The following H2AC14 variants were observed in gnomAD, a reference collection of about 807,000 sequenced individuals.
H2AC14 encodes the protein H2A clustered histone 14.
In H2AC14, 6 loss-of-function variants were observed where a neutral mutation model predicts 5.7. That is an observed-to-expected ratio of 1.05 (90% CI 0.57 to 2.07). The LOEUF (loss-of-function observed/expected upper bound fraction) is 2.07. Among genes scored for constraint, H2AC14 ranks in the 30% most tolerant of loss-of-function variants. H2AC14 has a pLI of 0.00. For synonymous variants in H2AC14, 121 were observed against 79.3 expected, an observed-to-expected ratio of 1.53 and a Z score of -2.80; for missense variants, 136 against 174.6, an observed-to-expected ratio of 0.78 and a Z score of 1.25.
chr6:27,814,762 A>G lies in H2AC14; in HGVS notation c.-22T>C, dbSNP rs752325819. On this transcript the variant is annotated 5_prime_UTR_variant, in exon 1 of 1. Transcript: ENST00000333151. Reference sequence around the variant, plus strand: ...ACATGGCAAAAGGTCTATTACCTTTACGGTCAAGAAAGACTGAAATGAAAT... The same window carrying G: ...ACATGGCAAAAGGTCTATTACCTTTGCGGTCAAGAAAGACTGAAATGAAAT... The G allele has an allele frequency of 9.8e-6, 15 of 1,528,294 alleles. No individual in the cohort carries two copies. Among genetic ancestry groups the G allele is most frequent in the East Asian group, 4.5e-5 (2 of 44,186 alleles). 94.7% of individuals were successfully genotyped at this position (1,528,294 alleles called of 1,614,324 possible).
chr6:27,814,710 C>G lies in H2AC14; in HGVS notation c.31G>C (p.Ala11Pro), dbSNP rs374667336. The change falls in exon 1 of 1, where the codon GCT becomes CCT. Residue 11 changes from alanine (A) to proline (P), a missense_variant. Coordinates refer to ENST00000333151, the MANE Select transcript of H2AC14 (RefSeq NM_021066.3). MSGRGKQGGKARAKAKTRSSR... is the reference protein window; with the variant it reads MSGRGKQGGKPRAKAKTRSSR... ...GAGCGGGTCTTGGCCTTGGCGCGAG[C>G]TTTGCCTCCCTGCTTACCACGCCCA... 4.5e-6 allele frequency: 7 copies of G among 1,564,148 alleles called. No individual in the cohort carries two copies. Among genetic ancestry groups the G allele is most frequent in the Middle Eastern group, 1.7e-4 (1 of 5,826 alleles).
rs776064316 is a variant in H2AC14, at chr6:27,814,349, G to A, written c.*5C>T. On this transcript the variant is annotated 3_prime_UTR_variant, in exon 1 of 1. Transcript: ENST00000333151. ...TTTGTTTTTATGCGCTTTTCAACTC[G>A]GTCTTTACTTAGTCTTGTGGTGGCT... is the stretch of plus-strand genomic sequence containing the variant. 1.1e-5 allele frequency: 18 copies of A among 1,610,922 alleles called. No individual in the cohort carries two copies. The highest frequency in any genetic ancestry group is 1.4e-5 in the Non-Finnish European group (17 of 1,178,576).
rs530041027 is a variant in H2AC14 at position 27,814,774 on chromosome 6, G to C, written c.-34C>G. 8 of 1,522,138 alleles carry C rather than the reference G, an allele frequency of 5.3e-6. No homozygotes were observed. In the South Asian group the frequency reaches 5.3e-5, roughly 10 times the overall value. The allele number at this position is 1,522,138 out of a possible 1,614,324, so 94.3% of individuals were successfully genotyped here. ...GTCTATTACCTTTACGGTCAAGAAAGACTGAAATGAAATTGGAAAAACGTA... is the reference window on the plus strand; with the variant it reads ...GTCTATTACCTTTACGGTCAAGAAACACTGAAATGAAATTGGAAAAACGTA... On this transcript the variant is annotated 5_prime_UTR_variant, in exon 1 of 1. Transcript: ENST00000333151.
In H2AC14 at chr6:27,814,699, C is replaced by T. The variant is rs1221398932; in HGVS notation, c.42G>A (p.Lys14=). 2 of 1,561,632 alleles carry T rather than the reference C, an allele frequency of 1.3e-6. No homozygotes were observed. The highest frequency in any genetic ancestry group is 1.7e-6 in the Non-Finnish European group (2 of 1,155,958). ...RGKQGGKARA[K]AKTRSSRAGL... ...CGGCCCGAGAAGAGCGGGTCTTGGC[C>T]TTGGCGCGAGCTTTGCCTCCCTGCT... The change falls in exon 1 of 1, where the codon AAG becomes AAA. Residue 14 remains lysine (K), a synonymous_variant. Transcript: ENST00000333151.
At position 27,814,520 on chromosome 6, in the gene H2AC14, T is replaced by C; in HGVS notation, c.221A>G (p.Asn74Ser). ...ACGCGGGATGATGCGAGTCTTCTTG[T>C]TGTCGCGGGCCGCGTTGCCAGCCAG... ...LELAGNAARD[N>S]KKTRIIPRHL... The change falls in exon 1 of 1, where the codon AAC (asparagine) becomes AGC (serine). Residue 74 changes from asparagine (N) to serine (S), a missense_variant. By Grantham distance (46) the Asn-to-Ser change is conservative. Coordinates refer to ENST00000333151, the MANE Select transcript of H2AC14 (RefSeq NM_021066.3). 4 of 1,610,050 alleles carry C rather than the reference T, an allele frequency of 2.5e-6. No homozygotes were observed. Among genetic ancestry groups the C allele is most frequent in the African/African-American group, 2.7e-5 (2 of 74,842 alleles).
In H2AC14 at chr6:27,814,313, T is replaced by C; in HGVS notation, c.*41A>G. On this transcript the variant is annotated 3_prime_UTR_variant, in exon 1 of 1. Transcript: ENST00000333151. ...CTTTTTATGATTGTTGAAGTGGCTC[T>C]GAAAAGAGCCTTTGTTTTTATGCGC... 5 of 1,598,446 alleles carry C rather than the reference T, an allele frequency of 3.1e-6. No individual in the cohort carries two copies. Among genetic ancestry groups the C allele is most frequent in the Non-Finnish European group, 4.3e-6 (5 of 1,172,188 alleles).
rs750757381 is a variant in H2AC14 at position 27,814,737 on chromosome 6, A to C, written c.4T>G (p.Ser2Ala). The C allele has an allele frequency of 1.3e-6, 2 of 1,559,160 alleles. No individual in the cohort carries two copies. The highest frequency in any genetic ancestry group is 1.2e-5 in the South Asian group (1 of 82,568). ...TTGCCTCCCTGCTTACCACGCCCAGACATGGCAAAAGGTCTATTACCTTTA... is the reference window on the plus strand; with the variant it reads ...TTGCCTCCCTGCTTACCACGCCCAGCCATGGCAAAAGGTCTATTACCTTTA... M[S>A]GRGKQGGKAR... is the part of the protein sequence containing the mutation. Residue 2 changes from serine (S) to alanine (A), a missense_variant, in exon 1 of 1, where the codon TCT (serine) becomes GCT (alanine). Ser to Ala is a moderately conservative substitution (Grantham distance 99). Around this residue, in one of 2 missense-constraint regions of H2AC14, gnomAD observed 36 missense variants for 22.3 expected, o/e 1.62. Transcript: ENST00000333151.
rs749658664 is a variant in H2AC14, at chr6:27,814,338, C to T, written c.*16G>A. ...TGAAAAGAGCCTTTGTTTTTATGCG[C>T]TTTTCAACTCGGTCTTTACTTAGTC... On this transcript the variant is annotated 3_prime_UTR_variant, in exon 1 of 1. Coordinates refer to ENST00000333151, the MANE Select transcript of H2AC14 (RefSeq NM_021066.3). 3.1e-6 allele frequency: 5 copies of T among 1,608,506 alleles called. No individual in the cohort carries two copies. Among genetic ancestry groups the T allele is most frequent in the South Asian group, 2.2e-5 (2 of 90,506 alleles).
At position 27,814,377 on chromosome 6, in the gene H2AC14, C is replaced by CAACT. The variant is rs762300071; in HGVS notation, c.363_364insAGTT (p.Glu122SerfsTer2). Reference sequence around the variant, plus strand: ...CTTTACTTAGTCTTGTGGTGGCTCTCAGTTTTCTTTGGCAGCAGCACGGCC... The same window carrying CAACT: ...CTTTACTTAGTCTTGTGGTGGCTCTCAACTAGTTTTCTTTGGCAGCAGCACGGCC... On this transcript the variant is annotated frameshift_variant, in exon 1 of 1. Coordinates refer to ENST00000333151, the MANE Select transcript of H2AC14 (RefSeq NM_021066.3). LOFTEE classifies it high-confidence loss of function. The CAACT allele has an allele frequency of 5.6e-6, 9 of 1,614,020 alleles. No homozygotes were observed. The African/African-American group carries it at 1.1e-4, about 19-fold the overall frequency.
rs146657069 is a variant in H2AC14, at chr6:27,814,726, A to G, written c.15T>C (p.Gly5=). Reference sequence around the variant, plus strand: ...TGGCGCGAGCTTTGCCTCCCTGCTTACCACGCCCAGACATGGCAAAAGGTC... The same window carrying G: ...TGGCGCGAGCTTTGCCTCCCTGCTTGCCACGCCCAGACATGGCAAAAGGTC... The part of the protein sequence containing the change: MSGR[G]KQGGKARAKA... Residue 5 remains glycine, a synonymous_variant, in exon 1 of 1, where the codon GGT becomes GGC. Transcript: ENST00000333151. 912 of 1,566,222 alleles carry G rather than the reference A, an allele frequency of 5.8e-4. No individual in the cohort carries two copies. Among genetic ancestry groups the G allele is most frequent in the East Asian group, 3.4e-3 (153 of 44,452 alleles).
chr6:27,814,325 T>C lies in H2AC14; in HGVS notation c.*29A>G, dbSNP rs1459255362. The C allele has an allele frequency of 2.5e-6, 4 of 1,604,716 alleles. No individual in the cohort carries two copies. In the South Asian group the frequency reaches 4.4e-5, roughly 18 times the overall value. ...GTTGAAGTGGCTCTGAAAAGAGCCTTTGTTTTTATGCGCTTTTCAACTCGG... is the reference window on the plus strand; with the variant it reads ...GTTGAAGTGGCTCTGAAAAGAGCCTCTGTTTTTATGCGCTTTTCAACTCGG... On this transcript the variant is annotated 3_prime_UTR_variant, in exon 1 of 1. Coordinates refer to ENST00000333151, the MANE Select transcript of H2AC14 (RefSeq NM_021066.3).
Position 27,814,344 on chromosome 6 carries a change from A to T in H2AC14, c.*10T>A, listed in dbSNP as rs771751755. On this transcript the variant is annotated 3_prime_UTR_variant, in exon 1 of 1. Transcript: ENST00000333151. The stretch of plus-strand genomic sequence containing the variant: ...GAGCCTTTGTTTTTATGCGCTTTTC[A>T]ACTCGGTCTTTACTTAGTCTTGTGG... The T allele has an allele frequency of 4.3e-6, 7 of 1,609,542 alleles. No homozygotes were observed. In the African/African-American group the frequency reaches 6.7e-5, roughly 15 times the overall value.
rs1438826607 is a variant in H2AC14 at position 27,814,767 on chromosome 6, C to T, written c.-27G>A. On this transcript the variant is annotated 5_prime_UTR_variant, in exon 1 of 1. Coordinates refer to ENST00000333151, the MANE Select transcript of H2AC14 (RefSeq NM_021066.3). ...GCAAAAGGTCTATTACCTTTACGGT[C>T]AAGAAAGACTGAAATGAAATTGGAA... 6 of 1,524,326 alleles carry T rather than the reference C, an allele frequency of 3.9e-6. No individual in the cohort carries two copies. Among genetic ancestry groups the T allele is most frequent in the Middle Eastern group, 1.8e-4 (1 of 5,626 alleles). 94.4% of individuals were successfully genotyped at this position (1,524,326 alleles called of 1,614,324 possible). A position where few individuals can be genotyped will look rare whatever the true frequency, so the allele number is the denominator to read the frequency against.
In H2AC14 at chr6:27,814,323, C is replaced by T. The variant is rs1760609492; in HGVS notation, c.*31G>A. ...TTGTTGAAGTGGCTCTGAAAAGAGC[C>T]TTTGTTTTTATGCGCTTTTCAACTC... is the stretch of plus-strand genomic sequence containing the variant. On this transcript the variant is annotated 3_prime_UTR_variant, in exon 1 of 1. Coordinates refer to ENST00000333151, the MANE Select transcript of H2AC14 (RefSeq NM_021066.3). 1 of 1,604,200 alleles carries T rather than the reference C, an allele frequency of 6.2e-7. No homozygotes were observed. The highest frequency in any genetic ancestry group is 8.5e-7 in the Non-Finnish European group (1 of 1,175,564).
Position 27,814,359 on chromosome 6 carries a change from T to TA in H2AC14, c.381dup (p.Lys128Ter), listed in dbSNP as rs752242859. ...TGCGCTTTTCAACTCGGTCTTTACT[T>TA]AGTCTTGTGGTGGCTCTCAGTTTTC... is the stretch of plus-strand genomic sequence containing the variant. On this transcript the variant is annotated frameshift_variant, in exon 1 of 1. Transcript: ENST00000333151. LOFTEE classifies it high-confidence loss of function. The TA allele has an allele frequency of 5.0e-6, 8 of 1,613,812 alleles. No individual in the cohort carries two copies. The highest frequency in any genetic ancestry group is 2.2e-5 in the East Asian group (1 of 44,876).
In H2AC14 at chr6:27,814,314, GAA is replaced by G. The variant is rs762262435; in HGVS notation, c.*38_*39del. ...TTTTTATGATTGTTGAAGTGGCTCT[GAA>G]AAGAGCCTTTGTTTTTATGCGCTTT... On this transcript the variant is annotated 3_prime_UTR_variant, in exon 1 of 1. Transcript: ENST00000333151. 3.6e-5 allele frequency: 58 copies of G among 1,600,826 alleles called. No homozygotes were observed. Among genetic ancestry groups the G allele is most frequent in the Non-Finnish European group, 4.8e-5 (56 of 1,173,236 alleles).
rs759449450 is a variant in H2AC14 at position 27,814,357 on chromosome 6, C to G, written c.384G>C (p.Lys128Asn). The G allele has an allele frequency of 1.2e-6, 2 of 1,613,630 alleles. No individual in the cohort carries two copies. The highest frequency in any genetic ancestry group is 2.2e-5 in the South Asian group (2 of 91,066). The change falls in exon 1 of 1, where the codon AAG becomes AAC. Residue 128 changes from lysine (K) to asparagine (N), a missense_variant. This residue lies in a region of H2AC14 where 100 missense variants were observed against 152.3 expected (regional missense o/e 0.66). Coordinates refer to ENST00000333151, the MANE Select transcript of H2AC14 (RefSeq NM_021066.3). Reference protein sequence around the residue: ...PKKTESHHKTK With the variant: ...PKKTESHHKTN ...TATGCGCTTTTCAACTCGGTCTTTACTTAGTCTTGTGGTGGCTCTCAGTTT... is the reference window on the plus strand; with the variant it reads ...TATGCGCTTTTCAACTCGGTCTTTAGTTAGTCTTGTGGTGGCTCTCAGTTT...
Position 27,814,580 on chromosome 6 carries a change from G to T in H2AC14, c.161C>A (p.Ala54Glu). ...VGAGAPVYLAAVLEYLTAEIL... is the reference protein window; with the variant it reads ...VGAGAPVYLAEVLEYLTAEIL... ...CTCGGCGGTCAGGTACTCCAGCACC[G>T]CCGCCAGGTACACCGGCGCTCCAGC... is the stretch of plus-strand genomic sequence containing the variant. The change falls in exon 1 of 1, where the codon GCG becomes GAG. Residue 54 changes from alanine (A) to glutamate (E), a missense_variant. Coordinates refer to ENST00000333151, the MANE Select transcript of H2AC14 (RefSeq NM_021066.3). The T allele has an allele frequency of 6.3e-7, 1 of 1,599,054 alleles. No individual in the cohort carries two copies. The highest frequency in any genetic ancestry group is 1.3e-5 in the African/African-American group (1 of 74,360).
Position 27,814,399 on chromosome 6 carries a change from G to A in H2AC14, c.342C>T (p.Ala114=), listed in dbSNP as rs1043776003. 1.9e-6 allele frequency: 3 copies of A among 1,614,164 alleles called. No individual in the cohort carries two copies. The highest frequency in any genetic ancestry group is 3.3e-5 in the Admixed American group (2 of 60,024). The change falls in exon 1 of 1, where the codon GCC becomes GCT. Residue 114 remains alanine (A), a synonymous_variant. Coordinates refer to ENST00000333151, the MANE Select transcript of H2AC14 (RefSeq NM_021066.3). ...TCTCAGTTTTCTTTGGCAGCAGCAC[G>A]GCCTGGATGTTGGGCAGGACGCCAC... ...AQGGVLPNIQ[A]VLLPKKTESH...
Sources: gnomAD v4.1 joint callset for allele counts on GRCh38, gnomAD v4.1.1 for gene constraint, gnomAD v4.1.1 regional missense constraint, MANE v1.5 for transcripts, NCBI Gene and HGNC (gene_info 2026-07-23, HGNC 2026-07-21) for gene names.